ZNF804B: variants seen among roughly 807,000 people sequenced by gnomAD.
The protein encoded by ZNF804B is zinc finger 804B.
In ZNF804B, 80 loss-of-function variants were observed where a neutral mutation model predicts 101.4. The ratio of observed to expected loss-of-function variants is 0.79; its 90% confidence interval spans 0.66 to 0.95. ZNF804B has a LOEUF of 0.95. ZNF804B is among the 40% of genes least tolerant of loss of function. The probability of loss-of-function intolerance (pLI) is 0.00; values close to 1 mark genes in which losing one functional copy is unlikely to be tolerated. For synonymous variants in ZNF804B, 622 were observed against 558.8 expected (o/e 1.11, Z -1.59); for missense variants, 1,673 against 1,561.9 (o/e 1.07, Z -1.20).
intron 3 of ZNF804B, among the ~76,000 whole-genome samples, chr7:89,328,627 A>T (rs1790931334): frequency 6.6e-6 from 1 of 151,828 alleles, no homozygotes; most frequent in Non-Finnish European, 1.5e-5. Context: ...TTGCCAAAAT[A>T]GGGCTTAGAA....
intron 1 of ZNF804B, among the ~76,000 whole-genome samples, chr7:89,139,190 T>A (rs1252300566): frequency 6.6e-6 from 1 of 152,138 alleles, no homozygotes; most frequent in Non-Finnish European, 1.5e-5. Context: ...TGCAATAGCA[T>A]CATATCTGAA....
chr7:88,938,588 C>G (rs1275088679), intron 1 of ZNF804B, among the ~76,000 whole-genome samples: 2 of 151,876 alleles, frequency 1.3e-5, no homozygotes, highest in African/African-American at 4.8e-5. Flanking sequence ...GCATGACTCC[C>G]CAGTCTCTTT....
chr7:88,896,134 G>T (rs1264176011), intron 1 of ZNF804B, among the ~76,000 whole-genome samples: 1 of 152,186 alleles, frequency 6.6e-6, no homozygotes. Flanking sequence ...TGCTGAGAAT[G>T]ATTATCTCTC....
chr7:88,880,783 C>T (rs1477901044), intron 1 of ZNF804B, among the ~76,000 whole-genome samples: 1 of 151,992 alleles, frequency 6.6e-6, no homozygotes, highest in African/African-American at 2.4e-5. Context: ...TGATGACTTT[C>T]CATTTTCAAT....
chr7:89,223,068 T>C (rs1410904864), intron 2 of ZNF804B, among the ~76,000 whole-genome samples: 2 of 151,914 alleles, frequency 1.3e-5, no homozygotes, highest in Non-Finnish European at 2.9e-5. Flanking sequence ...CATTTGGTTC[T>C]TTCTTCTTTA....
intron 1 of ZNF804B, among the ~76,000 whole-genome samples, chr7:88,946,064 A>G (rs985005210): frequency 1.3e-5 from 2 of 152,078 alleles, no homozygotes; most frequent in South Asian, 2.1e-4. Context: ...CTCTCTTCCT[A>G]TGTGAATACA....
intron 1 of ZNF804B, among the ~76,000 whole-genome samples, chr7:89,180,713 T>C (rs577698674): frequency 6.6e-6 from 1 of 151,682 alleles, no homozygotes; most frequent in East Asian, 1.9e-4. Context: ...CTCCTGGAAA[T>C]GTTAGCTGCA....
At chr7:88,950,595 C>A (rs1286411518) in intron 1 of ZNF804B, among the ~76,000 whole-genome samples, 1 of 151,720 alleles carries the variant, frequency 6.6e-6, no homozygotes, top group Non-Finnish European at 1.5e-5. Context: ...TTTTGTAAGT[C>A]TTTGTATACA....
chr7:88,860,915 G>T (rs941152684), intron 1 of ZNF804B, among the ~76,000 whole-genome samples: 1 of 152,100 alleles, frequency 6.6e-6, no homozygotes, highest in Admixed American at 6.6e-5. Context: ...ACAGTTTTAT[G>T]CTTTTTATTC....
At chr7:89,171,277 A>ATGCTGCTGCTGCTGCTGC (rs55857746) in intron 1 of ZNF804B, among the ~76,000 whole-genome samples, 50 of 110,314 alleles carry the variant, frequency 4.5e-4, no homozygotes, top group South Asian at 9.8e-4. Context: ...GGCACAAATA[A>ATGCTGCTGCTGCTGCTGC]TGCTGCTGCT....
chr7:89,270,222 C>A (rs1365975284), intron 2 of ZNF804B, among the ~76,000 whole-genome samples: 1 of 152,054 alleles, frequency 6.6e-6, no homozygotes, highest in Admixed American at 6.5e-5. Flanking sequence ...GTCTTTAATC[C>A]ATCTTGAATT....
chr7:89,021,452 A>T (rs1299357419), intron 1 of ZNF804B, among the ~76,000 whole-genome samples: 1 of 152,146 alleles, frequency 6.6e-6, no homozygotes, highest in East Asian at 1.9e-4. Context: ...GGGTGTGTCC[A>T]CTGGGCTGTT....
At chr7:89,228,826 C>T (rs1020442208) in intron 2 of ZNF804B, among the ~76,000 whole-genome samples, 1 of 152,136 alleles carries the variant, frequency 6.6e-6, no homozygotes, top group African/African-American at 2.4e-5. Flanking sequence ...GGGTGGCACT[C>T]GTTGGGGAGG....
chr7:88,878,096 G>A (rs976370461), intron 1 of ZNF804B, among the ~76,000 whole-genome samples: 14 of 152,170 alleles, frequency 9.2e-5, no homozygotes, highest in Non-Finnish European at 2.1e-4. Context: ...CATTTTAACT[G>A]AAATAAATAA....
At chr7:89,169,586 T>C (rs190205320) in intron 1 of ZNF804B, among the ~76,000 whole-genome samples, 38 of 152,292 alleles carry the variant, frequency 2.5e-4, no homozygotes, top group African/African-American at 8.7e-4. Context: ...GAATGTAAAA[T>C]CTTTCTAGAT....
At chr7:88,768,799 C>G (rs1790021736) in intron 1 of ZNF804B, among the ~76,000 whole-genome samples, 1 of 152,180 alleles carries the variant, frequency 6.6e-6, no homozygotes, top group African/African-American at 2.4e-5. Context: ...ATGTATTTCT[C>G]TCTTTGGGTA....
At chr7:88,840,511 A>C (rs1340533024) in intron 1 of ZNF804B, among the ~76,000 whole-genome samples, 2 of 152,192 alleles carry the variant, frequency 1.3e-5, no homozygotes, top group Non-Finnish European at 2.9e-5. Context: ...TATTATTTTG[A>C]GTAATCTCCT....
rs542085186 is a variant in ZNF804B, at chr7:89,315,083, C to A, written c.250-12261C>A. Among the ~76,000 whole-genome samples the A allele has an allele frequency of 7.9e-5, 12 of 152,152 alleles. 1 individual carries two copies. The highest frequency in any genetic ancestry group is 6.2e-4 in the South Asian group (3 of 4,824). On this transcript the variant is annotated intron_variant, in intron 2 of 3. Transcript: ENST00000333190. ...GCTGGCATCTGCTTGGCTTCTGGGG[C>A]AGCCTCAGGAAACTTACAATCATTG... is the stretch of plus-strand genomic sequence containing the variant.
intron 1 of ZNF804B, among the ~76,000 whole-genome samples, chr7:88,969,748 T>C (rs896636386): frequency 9.2e-5 from 14 of 151,652 alleles, no homozygotes; most frequent in Non-Finnish European, 1.5e-4. Flanking sequence ...ACATGATTGC[T>C]TAGAGAGGGG....
Sources: allele counts gnomAD v4.1 joint callset (sites outside exome capture counted in the v4.1 genomes callset), GRCh38; gene constraint gnomAD v4.1.1; transcripts MANE v1.5; gene names NCBI Gene and HGNC (gene_info 2026-07-23, HGNC 2026-07-21).